DOCK4: variants seen among roughly 807,000 people sequenced by gnomAD.
DOCK4 encodes the protein dedicator of cytokinesis protein 4.
A neutral mutation model predicts 268.1 loss-of-function variants in DOCK4; 97 were observed. The observed-to-expected ratio is 0.36, with a 90% confidence interval of 0.31 to 0.43. The LOEUF (loss-of-function observed/expected upper bound fraction) is 0.43. Ranked by LOEUF, DOCK4 falls within the 20% of genes least tolerant of loss-of-function variation. The probability of loss-of-function intolerance (pLI) is 1.00; values close to 1 mark genes in which losing one functional copy is unlikely to be tolerated. For missense variants in DOCK4, 2,145 were observed against 2,455.7 expected, an observed-to-expected ratio of 0.87 and a Z score of 2.67; for synonymous variants, 954 against 887.2, an observed-to-expected ratio of 1.08 and a Z score of -1.34.
chr7:111,837,739 TA>T (rs1054041190), intron 25 of DOCK4, among the ~76,000 whole-genome samples: 104 of 152,054 alleles, frequency 6.8e-4, no homozygotes, highest in Non-Finnish European at 1.3e-3. Flanking sequence ...GTTAAATACT[TA>T]AAAAAAATGA....
chr7:111,793,132 A>T (rs1420254594), intron 30 of DOCK4, among the ~76,000 whole-genome samples: 1 of 152,244 alleles, frequency 6.6e-6, no homozygotes, highest in African/African-American at 2.4e-5. Context: ...ATATCCTCAG[A>T]GTATGAGCAT....
At chr7:111,759,403 A>G (rs1797239148) in intron 40 of DOCK4, among the ~76,000 whole-genome samples, 1 of 152,218 alleles carries the variant, frequency 6.6e-6, no homozygotes, top group African/African-American at 2.4e-5. Context: ...AAGGAGTATC[A>G]TATTAACTTG....
At chr7:112,175,658 A>G (rs1048656939) in intron 1 of DOCK4, among the ~76,000 whole-genome samples, 2 of 152,198 alleles carry the variant, frequency 1.3e-5, no homozygotes, top group African/African-American at 2.4e-5. Flanking sequence ...TGATAAACAC[A>G]TAAGTATTAC....
chr7:112,137,175 A>C (rs1244069430), intron 1 of DOCK4, among the ~76,000 whole-genome samples: 1 of 152,238 alleles, frequency 6.6e-6, no homozygotes, highest in Non-Finnish European at 1.5e-5. Flanking sequence ...TTTTTATCAT[A>C]GCTTATGTGA....
chr7:111,831,866 T>C (rs907460572), intron 26 of DOCK4, among the ~76,000 whole-genome samples: 8 of 152,174 alleles, frequency 5.3e-5, no homozygotes, highest in Non-Finnish European at 1.2e-4. Context: ...CTTAAAACAA[T>C]CACAAGCTTC....
intron 23 of DOCK4, among the ~76,000 whole-genome samples, chr7:111,847,452 T>C (rs2134095344): frequency 6.6e-6 from 1 of 152,096 alleles, no homozygotes; most frequent in East Asian, 1.9e-4. Flanking sequence ...GACTTTCTAC[T>C]ACGGTAGAAG....
chr7:111,762,762 C>T lies in DOCK4; in HGVS notation c.4020+2356G>A, dbSNP rs9641470. 3.6e-3 allele frequency among the ~76,000 whole-genome samples: 228 copies of T among 63,032 alleles called. 1 individual carries two copies. The highest frequency in any genetic ancestry group is 8.9e-3 in the South Asian group (10 of 1,126). The allele number at this position is 63,032 out of a possible 152,430, so 41.4% of individuals were successfully genotyped here. On this transcript the variant is annotated intron_variant, in intron 39 of 52. Transcript: ENST00000428084. ...TAAATAACCCATTTTGTTTTGTTTTCTTTTTTTTTTTTTTTTTTTTTTTTG... is the reference window on the plus strand; with the variant it reads ...TAAATAACCCATTTTGTTTTGTTTTTTTTTTTTTTTTTTTTTTTTTTTTTG...
At chr7:112,150,671 G>C (rs538895830) in intron 1 of DOCK4, among the ~76,000 whole-genome samples, 32 of 152,166 alleles carry the variant, frequency 2.1e-4, no homozygotes, top group African/African-American at 7.5e-4. Flanking sequence ...TTTTCTTCCA[G>C]TTTTGAATAA....
At chr7:111,752,739 A>T (rs1563454345) in intron 42 of DOCK4, among the ~76,000 whole-genome samples, 2 of 151,788 alleles carry the variant, frequency 1.3e-5, no homozygotes, top group Admixed American at 1.3e-4. Context: ...GGTGCGTGCC[A>T]CCATGCCCGG....
chr7:112,124,116 C>T (rs746777784), intron 1 of DOCK4, among the ~76,000 whole-genome samples: 81 of 151,920 alleles, frequency 5.3e-4, no homozygotes, highest in Non-Finnish European at 9.9e-4. Flanking sequence ...CCTTGAACTC[C>T]TGGTCTCAAG....
At chr7:112,085,339 C>T (rs747644688) in intron 1 of DOCK4, among the ~76,000 whole-genome samples, 3 of 151,892 alleles carry the variant, frequency 2.0e-5, no homozygotes, top group Non-Finnish European at 4.4e-5. Flanking sequence ...CAAAAAGAAA[C>T]AGAGGTCAAA....
chr7:112,007,855 A>T (rs1301869881), intron 1 of DOCK4, among the ~76,000 whole-genome samples: 2 of 152,214 alleles, frequency 1.3e-5, no homozygotes, highest in Non-Finnish European at 2.9e-5. Context: ...TTTCAACTAA[A>T]TCCCTTTAAA....
At chr7:111,885,487 C>T (rs1807763122) in intron 16 of DOCK4, among the ~76,000 whole-genome samples, 1 of 152,132 alleles carries the variant, frequency 6.6e-6, no homozygotes, top group South Asian at 2.1e-4. Flanking sequence ...TTGTGGAAGA[C>T]ACAAGCACAG....
At chr7:111,804,788 C>T (rs1415571484) in intron 30 of DOCK4, among the ~76,000 whole-genome samples, 2 of 151,648 alleles carry the variant, frequency 1.3e-5, no homozygotes, top group South Asian at 2.1e-4. Context: ...TTAGCAGAGA[C>T]GGGGTTTCGT....
At chr7:111,744,147 A>C (rs900622390) in intron 44 of DOCK4, among the ~76,000 whole-genome samples, 4 of 152,126 alleles carry the variant, frequency 2.6e-5, no homozygotes, top group Non-Finnish European at 5.9e-5. Flanking sequence ...TTGCTTCCTC[A>C]GTATGGGATG....
chr7:111,943,826 G>A (rs778355158), intron 10 of DOCK4, among the ~76,000 whole-genome samples: 6 of 152,112 alleles, frequency 3.9e-5, no homozygotes, highest in Admixed American at 2.0e-4. Context: ...AAATCTATGC[G>A]GGAATAAAAG....
rs1359811326 is a variant in DOCK4 at position 112,107,191 on chromosome 7, T to C, written c.37+98911A>G. Among the ~76,000 whole-genome samples the C allele has an allele frequency of 2.0e-5, 3 of 152,234 alleles. No individual in the cohort carries two copies. The East Asian group carries it at 5.8e-4, about 29-fold the overall frequency. On this transcript the variant is annotated intron_variant, in intron 1 of 52. Coordinates refer to ENST00000428084, the MANE Select transcript of DOCK4 (RefSeq NM_001363540.2). ...AGGAAAGAGGAGAAGACATGTAATG[T>C]ATACAAATAACCACTATTATGGGCT... is the stretch of plus-strand genomic sequence containing the variant.
intron 1 of DOCK4, among the ~76,000 whole-genome samples, chr7:112,201,863 A>G (rs1395473177): frequency 6.6e-6 from 1 of 152,076 alleles, no homozygotes; most frequent in Non-Finnish European, 1.5e-5. Flanking sequence ...CTTCCCCCAG[A>G]CTCTGGCAAC....
intron 23 of DOCK4, among the ~76,000 whole-genome samples, chr7:111,858,522 G>A (rs555285258): frequency 3.3e-5 from 5 of 152,256 alleles, no homozygotes; most frequent in Admixed American, 6.5e-5. Flanking sequence ...AGAAGAAAAC[G>A]CTGAGTAATG....
Sources: allele counts gnomAD v4.1 joint callset (sites outside exome capture counted in the v4.1 genomes callset), GRCh38; gene constraint gnomAD v4.1.1; transcripts MANE v1.5; gene names NCBI Gene and HGNC (gene_info 2026-07-23, HGNC 2026-07-21).